The following GPI variants were observed in gnomAD, a reference collection of about 807,000 sequenced individuals.
GPI encodes D-hexose-6-phosphate anomerase.
GPI carries 56 observed loss-of-function variants against 75.8 expected under a neutral mutation model. That is an observed-to-expected ratio of 0.74 (90% CI 0.60 to 0.92). The LOEUF (loss-of-function observed/expected upper bound fraction) is 0.92. GPI is among the 40% of genes least tolerant of loss of function. GPI has a pLI of 0.00. For synonymous variants in GPI, 288 were observed against 285.4 expected, an observed-to-expected ratio of 1.01 and a Z score of -0.09; for missense variants, 638 against 741.0, an observed-to-expected ratio of 0.86 and a Z score of 1.61.
At chr19:34,375,267 C>T (rs910188362) in intron 4 of GPI, among the ~76,000 whole-genome samples, 11 of 151,612 alleles carry the variant, frequency 7.3e-5, no homozygotes, top group African/African-American at 2.7e-4. Flanking sequence ...CTCAGCCTCC[C>T]GAGTAGCTGA....
At chr19:34,364,457 A>C (rs1599796206), upstream of GPI, among the ~76,000 whole-genome samples, 1 of 142,652 alleles carries the variant, frequency 7.0e-6, no homozygotes, top group Non-Finnish European at 1.5e-5. Context: ...TGCAGTCTTC[A>C]CCTCCCAGGT....
At chr19:34,383,945 G>T (rs1441719779) in intron 9 of GPI, among the ~76,000 whole-genome samples, 1 of 152,188 alleles carries the variant, frequency 6.6e-6, no homozygotes, top group East Asian at 1.9e-4. Context: ...GTATAATGCA[G>T]CCTTTCAGAG....
intron 6 of GPI, 82 bp downstream of exon 6, chr19:34,377,963 C>A: frequency 1.4e-6 from 2 of 1,435,350 alleles, no homozygotes; most frequent in Non-Finnish European, 2.0e-6. Context: ...ATCCCCCTGG[C>A]CATTGGTCCC....
upstream of GPI, among the ~76,000 whole-genome samples, chr19:34,362,979 C>A (rs1162850455): frequency 1.3e-5 from 2 of 152,114 alleles, no homozygotes; most frequent in African/African-American, 4.8e-5. Flanking sequence ...CCAAAATAAC[C>A]TACTAGAAAA....
chr19:34,362,857 C>A (rs1218747937), upstream of GPI, among the ~76,000 whole-genome samples: 2 of 152,174 alleles, frequency 1.3e-5, no homozygotes, highest in African/African-American at 2.4e-5. Context: ...GAAAAGGACC[C>A]TGTTTAGCTG....
intron 4 of GPI, among the ~76,000 whole-genome samples, chr19:34,369,943 A>G (rs1427484665): frequency 6.6e-6 from 1 of 152,224 alleles, no homozygotes; most frequent in Non-Finnish European, 1.5e-5. Flanking sequence ...TAAAAAATAG[A>G]AAAGTTTTCC....
upstream of GPI, among the ~76,000 whole-genome samples, chr19:34,361,711 T>C (rs452902): frequency 0.24 from 37,081 of 151,972 alleles, 5,067 homozygotes; most frequent in East Asian, 0.62. Flanking sequence ...CTGGGCGCGG[T>C]GTTGCATGCC....
In GPI at chr19:34,384,446, A is replaced by C. The variant is rs115655407; in HGVS notation, c.804+2927A>C. 5.6e-3 allele frequency among the ~76,000 whole-genome samples: 856 copies of C among 152,326 alleles called. 5 individuals carry two copies. Among genetic ancestry groups the C allele is most frequent in the African/African-American group, 0.019 (809 of 41,566 alleles). ...CCAAGACCGAGAAGCTGTGTTAAGCATGGTGGGTAGAGTTTGTCAGGTGAC... is the reference window on the plus strand; with the variant it reads ...CCAAGACCGAGAAGCTGTGTTAAGCCTGGTGGGTAGAGTTTGTCAGGTGAC... On this transcript the variant is annotated intron_variant, in intron 9 of 17. Transcript: ENST00000356487.
Position 34,399,627 on chromosome 19 carries a change from G to A in GPI, c.1470G>A (p.Leu490=), listed in dbSNP as rs1177435021. 2.5e-6 allele frequency: 4 copies of A among 1,614,116 alleles called. No individual in the cohort carries two copies. Among genetic ancestry groups the A allele is most frequent in the South Asian group, 1.1e-5 (1 of 91,070 alleles). The change falls in exon 16 of 18, where the codon TTG becomes TTA. Residue 490 remains leucine (L), a synonymous_variant. Transcript: ENST00000356487. ...TCACACCATTCATGCTTGGAGCCTT[G>A]GTCGGTGAGTGAGTAGGGGAAAGGT... is the stretch of plus-strand genomic sequence containing the variant. ...TKLTPFMLGA[L]VAMYEHKIFV...
intron 3 of GPI, among the ~76,000 whole-genome samples, chr19:34,368,217 G>A (rs967560786): frequency 2.0e-5 from 3 of 152,212 alleles, no homozygotes; most frequent in Non-Finnish European, 2.9e-5. Context: ...CATGGCGCCC[G>A]GCCTCTGAAA....
In GPI at chr19:34,396,303, C is replaced by G. The variant is rs141579625; in HGVS notation, c.1065C>G (p.Gly355=). 6.2e-7 allele frequency: 1 copy of G among 1,614,086 alleles called. No individual in the cohort carries two copies. The highest frequency in any genetic ancestry group is 8.5e-7 in the Non-Finnish European group (1 of 1,179,974). Residue 355 remains glycine (G), a splice_region_variant and synonymous_variant, in exon 13 of 18, where the codon GGC becomes GGG. Transcript: ENST00000356487. ...LHRFAAYFQQ[G]DMESNGKYIT... is the part of the protein sequence containing the mutation. ...CTGGGTTTCTGTTCCTTTTCCAGGG[C>G]GACATGGAGTCCAATGGGAAATACA...
At chr19:34,389,644 T>C (rs533592358) in intron 9 of GPI, among the ~76,000 whole-genome samples, 3 of 152,204 alleles carry the variant, frequency 2.0e-5, no homozygotes, top group Non-Finnish European at 4.4e-5. Context: ...GAAAGACTGC[T>C]TTGGCCACGG....
upstream of GPI, among the ~76,000 whole-genome samples, chr19:34,360,540 G>A (rs1238809642): frequency 6.6e-6 from 1 of 152,162 alleles, no homozygotes; most frequent in Non-Finnish European, 1.5e-5. Context: ...CAAGGCTGCA[G>A]TGAGCTATGG....
At chr19:34,362,302 C>T (rs568387187), upstream of GPI, among the ~76,000 whole-genome samples, 1 of 151,536 alleles carries the variant, frequency 6.6e-6, no homozygotes, top group African/African-American at 2.4e-5. Context: ...GAAACTTCAT[C>T]TCAAAAAAAA....
chr19:34,394,182 G>C (rs1341989196), intron 12 of GPI, 116 bp downstream of exon 12: 1 of 729,838 alleles, frequency 1.4e-6, no homozygotes, highest in Non-Finnish European at 2.4e-6. Flanking sequence ...CCTTGGGCCT[G>C]GCCAAGGTCC....
At chr19:34,364,970 C>T, upstream of GPI, 1 of 1,528,738 alleles carries the variant, frequency 6.5e-7, no homozygotes, top group Non-Finnish European at 8.7e-7. Flanking sequence ...TCTGCCCACC[C>T]TCCCCACTGC....
In GPI at chr19:34,399,732, C is replaced by G. The variant is rs2074994697; in HGVS notation, c.1488C>G (p.His496Gln). 1.2e-6 allele frequency: 2 copies of G among 1,614,086 alleles called. No individual in the cohort carries two copies. Among genetic ancestry groups the G allele is most frequent in the Non-Finnish European group, 1.7e-6 (2 of 1,180,010 alleles). The change falls in exon 17 of 18, where the codon CAC becomes CAG. Residue 496 changes from histidine to glutamine, a missense_variant. Physicochemically the swap from His to Gln is conservative, Grantham distance 24. Coordinates refer to ENST00000356487, the MANE Select transcript of GPI (RefSeq NM_000175.5). ...TCACTTCTGCAGCCATGTATGAGCA[C>G]AAGATCTTCGTTCAGGGCATCATCT... ...MLGALVAMYE[H>Q]KIFVQGIIWD... is the part of the protein sequence containing the mutation.
At chr19:34,365,138 C>T (rs2074335639), upstream of GPI, 16 of 1,208,330 alleles carry the variant, frequency 1.3e-5, no homozygotes, top group Non-Finnish European at 1.5e-5. Flanking sequence ...GGGGTGGGGC[C>T]GGGCCGGGCC....
At chr19:34,366,240 C>T (rs771841762) in intron 1 of GPI, 105 bp from the exon 2 acceptor site, 70 of 805,968 alleles carry the variant, frequency 8.7e-5, no homozygotes, top group Admixed American at 2.3e-4. Flanking sequence ...CCTTGTGGGG[C>T]GTGGGTCAGG....
Sources: allele counts gnomAD v4.1 joint callset (sites outside exome capture counted in the v4.1 genomes callset), GRCh38; gene constraint gnomAD v4.1.1; transcripts MANE v1.5; gene names NCBI Gene and HGNC (gene_info 2026-07-23, HGNC 2026-07-21).